UBE2V2: variants seen among roughly 807,000 people sequenced by gnomAD.
The protein encoded by UBE2V2 is ubiquitin-conjugating enzyme E2 variant 2.
A neutral mutation model predicts 17.2 loss-of-function variants in UBE2V2; 9 were observed. That is an observed-to-expected ratio of 0.52 (90% CI 0.32 to 0.91). The LOEUF is 0.91. Ranked by LOEUF, UBE2V2 falls within the 40% of genes least tolerant of loss-of-function variation. The pLI, the probability that UBE2V2 is intolerant of heterozygous loss-of-function variation, is 0.04. For synonymous variants in UBE2V2, 61 were observed against 57.5 expected (o/e 1.06, Z -0.28); for missense variants, 133 against 182.6 (o/e 0.73, Z 1.56).
the UBE2V2 span, among the ~76,000 whole-genome samples, chr8:47,997,757 G>C: frequency 6.6e-6 from 1 of 151,914 alleles, no homozygotes; most frequent in East Asian, 1.9e-4. Flanking sequence ...GGACGAGTAA[G>C]GGGTGGAGAC....
At chr8:48,008,701 G>A in intron 1 of UBE2V2, 1 of 273,990 alleles carries the variant, frequency 3.6e-6, no homozygotes, top group Non-Finnish European at 5.7e-6. Flanking sequence ...GGCGGGCTGG[G>A]GGCGGGGTGG....
chr8:48,004,853 G>A (rs2091174210), upstream of UBE2V2, among the ~76,000 whole-genome samples: 2 of 151,262 alleles, frequency 1.3e-5, no homozygotes, highest in South Asian at 4.2e-4. Context: ...TTTTAAGACA[G>A]TGTCTCATTC....
At chr8:47,998,656 T>C in the UBE2V2 span, among the ~76,000 whole-genome samples, 3 of 147,836 alleles carry the variant, frequency 2.0e-5, no homozygotes, top group Admixed American at 1.3e-4. Flanking sequence ...GGCCAGGAGA[T>C]AGGTGATAGG....
chr8:48,010,298 A>G (rs1224489573), intron 1 of UBE2V2, among the ~76,000 whole-genome samples: 1 of 147,418 alleles, frequency 6.8e-6, no homozygotes, highest in East Asian at 2.0e-4. Context: ...GTGCAGTGGC[A>G]TGATCTTGGC....
upstream of UBE2V2, among the ~76,000 whole-genome samples, chr8:48,005,060 G>C (rs189922887): frequency 1.4e-3 from 212 of 150,586 alleles, 1 homozygote; most frequent in African/African-American, 4.7e-3. Context: ...GGGGAACAGG[G>C]GCAGAACATG....
intron 1 of UBE2V2, among the ~76,000 whole-genome samples, chr8:48,029,266 T>C (rs891459363): frequency 6.6e-6 from 1 of 152,068 alleles, no homozygotes; most frequent in Non-Finnish European, 1.5e-5. Context: ...AAGTTCGAGG[T>C]TGCAGTGAGA....
At chr8:48,029,470 G>A (rs973413553) in intron 1 of UBE2V2, among the ~76,000 whole-genome samples, 8 of 152,160 alleles carry the variant, frequency 5.3e-5, no homozygotes, top group Non-Finnish European at 1.0e-4. Flanking sequence ...ATGACAGAAG[G>A]GCAGGAGTCT....
chr8:48,014,689 A>C (rs2091256468), intron 1 of UBE2V2, among the ~76,000 whole-genome samples: 1 of 151,544 alleles, frequency 6.6e-6, no homozygotes, highest in African/African-American at 2.4e-5. Flanking sequence ...AAACCAGTAA[A>C]ATTAATATTT....
At chr8:48,011,221 G>A (rs979601670) in intron 1 of UBE2V2, among the ~76,000 whole-genome samples, 15 of 152,270 alleles carry the variant, frequency 9.9e-5, no homozygotes, top group African/African-American at 3.6e-4. Flanking sequence ...AGGCTGGAGT[G>A]CAATGGTGCG....
At chr8:48,013,670 TCTGA>T (rs1427454966) in intron 1 of UBE2V2, among the ~76,000 whole-genome samples, 1 of 152,204 alleles carries the variant, frequency 6.6e-6, no homozygotes, top group Admixed American at 6.6e-5. Flanking sequence ...AGCTCTAGTC[TCTGA>T]CTGTAGATGC....
intron 1 of UBE2V2, chr8:48,035,171 A>C: frequency 1.1e-6 from 1 of 946,664 alleles, no homozygotes; most frequent in Non-Finnish European, 1.2e-6. Flanking sequence ...GCTGTAGTGC[A>C]GTGGCACAAT....
chr8:48,040,841 T>C (rs1481124330), intron 1 of UBE2V2, among the ~76,000 whole-genome samples: 3 of 111,462 alleles, frequency 2.7e-5, no homozygotes, highest in Non-Finnish European at 5.7e-5. Context: ...TTGGCCAGGC[T>C]GGGTTTTTTT....
chr8:48,040,118 T>C (rs1371179375), intron 1 of UBE2V2, among the ~76,000 whole-genome samples: 2 of 151,840 alleles, frequency 1.3e-5, no homozygotes, highest in Non-Finnish European at 2.9e-5. Context: ...GATTCCCATA[T>C]ACCTTCATGC....
chr8:48,000,346 T>G, the UBE2V2 span, among the ~76,000 whole-genome samples: 3 of 152,198 alleles, frequency 2.0e-5, no homozygotes. Flanking sequence ...CCATAAATAC[T>G]CCTAAGTAAA....
chr8:48,010,548 C>T (rs1415565844), intron 1 of UBE2V2, among the ~76,000 whole-genome samples: 1 of 151,664 alleles, frequency 6.6e-6, no homozygotes, highest in East Asian at 1.9e-4. Flanking sequence ...ACAACAGGCG[C>T]GTGCCACCAT....
At chr8:48,007,568 C>CTTT (rs528067517), upstream of UBE2V2, among the ~76,000 whole-genome samples, 83 of 121,224 alleles carry the variant, frequency 6.8e-4, no homozygotes, top group African/African-American at 2.2e-3. Flanking sequence ...TGTGAAAAAT[C>CTTT]TTTTTTTTTT....
chr8:48,002,881 T>C, the UBE2V2 span, among the ~76,000 whole-genome samples: 3 of 151,916 alleles, frequency 2.0e-5, no homozygotes, highest in Non-Finnish European at 2.9e-5. Flanking sequence ...CATTCCGTAA[T>C]GTATACGTAT....
chr8:48,014,980 G>T (rs2091258725), intron 1 of UBE2V2, among the ~76,000 whole-genome samples: 1 of 150,042 alleles, frequency 6.7e-6, no homozygotes, highest in Non-Finnish European at 1.5e-5. Context: ...AACCCGGGAG[G>T]CGGAGCTTGC....
intron 3 of UBE2V2, among the ~76,000 whole-genome samples, chr8:48,052,834 T>C (rs1288896233): frequency 2.6e-5 from 4 of 152,200 alleles, no homozygotes; most frequent in Non-Finnish European, 5.9e-5. Context: ...TCTCAAGACC[T>C]TTGCACTTCT....
Sources: allele counts gnomAD v4.1 joint callset (sites outside exome capture counted in the v4.1 genomes callset), GRCh38; gene constraint gnomAD v4.1.1; transcripts MANE v1.5; gene names NCBI Gene and HGNC (gene_info 2026-07-23, HGNC 2026-07-21).